The following STX8 variants were observed in gnomAD, a reference collection of about 807,000 sequenced individuals.
STX8 encodes syntaxin-8.
STX8 carries 23 observed loss-of-function variants against 37.5 expected under a neutral mutation model. The observed-to-expected ratio is 0.61, with a 90% CI of 0.44 to 0.87. The LOEUF (loss-of-function observed/expected upper bound fraction) is 0.87. Among genes scored for constraint, STX8 ranks in the 40% least tolerant of loss-of-function variants. The probability of loss-of-function intolerance (pLI) is 0.00; values close to 1 mark genes in which losing one functional copy is unlikely to be tolerated. For synonymous variants in STX8, 115 were observed against 99.1 expected (o/e 1.16, Z -0.95); for missense variants, 313 against 284.7 (o/e 1.10, Z -0.71).
intron 6 of STX8, among the ~76,000 whole-genome samples, chr17:9,451,329 C>T (rs1271056576): frequency 6.6e-6 from 1 of 152,146 alleles, no homozygotes; most frequent in Admixed American, 6.5e-5. Context: ...CACTTTGTTA[C>T]TAAGTGTGTG....
rs528981431 is a variant in STX8, at chr17:9,532,622, T to C, written c.323+12550A>G. Among the ~76,000 whole-genome samples the C allele has an allele frequency of 2.0e-5, 3 of 152,326 alleles. No homozygotes were observed. In the South Asian group the frequency reaches 6.2e-4, roughly 32 times the overall value. ...AGTTTAACAATGTAACAAATTACTT[T>C]AAAAATAAATTTATATTTAAAAAAC... is the stretch of plus-strand genomic sequence containing the variant. On this transcript the variant is annotated intron_variant, in intron 4 of 7. Coordinates refer to ENST00000306357, the MANE Select transcript of STX8 (RefSeq NM_004853.3).
In STX8 at chr17:9,400,684, C is replaced by T. The variant is rs188518284; in HGVS notation, c.542-22031G>A. On this transcript the variant is annotated intron_variant, in intron 6 of 7. Coordinates refer to ENST00000306357, the MANE Select transcript of STX8 (RefSeq NM_004853.3). ...CCTCCCAAAGTGCTGGGATTACAGG[C>T]GTGAGCCACCCGCGCCCGGCCGAGT... Among the ~76,000 whole-genome samples the T allele has an allele frequency of 4.6e-5, 7 of 152,066 alleles. No individual in the cohort carries two copies. The East Asian group carries it at 1.2e-3, about 25-fold the overall frequency.
At chr17:9,495,432 G>A (rs1055995617) in intron 5 of STX8, among the ~76,000 whole-genome samples, 3 of 151,960 alleles carry the variant, frequency 2.0e-5, no homozygotes, top group Non-Finnish European at 4.4e-5. Context: ...TGGATTAAAA[G>A]ATAAAACCAT....
chr17:9,549,761 A>G (rs73975725), intron 3 of STX8, among the ~76,000 whole-genome samples: 13,879 of 152,186 alleles, frequency 0.091, 1,164 homozygotes, highest in African/African-American at 0.23. Context: ...TTGATTAATG[A>G]ACCATCTGCA....
intron 6 of STX8, among the ~76,000 whole-genome samples, chr17:9,468,357 G>T (rs951619822): frequency 1.3e-5 from 2 of 152,024 alleles, no homozygotes; most frequent in Non-Finnish European, 2.9e-5. Context: ...TGATCCAGCC[G>T]CCTCGACCTC....
chr17:9,269,551 G>C (rs1298866010), intron 7 of STX8, among the ~76,000 whole-genome samples: 1 of 152,166 alleles, frequency 6.6e-6, no homozygotes, highest in Non-Finnish European at 1.5e-5. Context: ...ATATTAAAAT[G>C]ATGTCATCAC....
chr17:9,463,552 G>A (rs1270845087), intron 6 of STX8, among the ~76,000 whole-genome samples: 2 of 151,964 alleles, frequency 1.3e-5, no homozygotes, highest in Non-Finnish European at 2.9e-5. Flanking sequence ...ATCACTTGAG[G>A]TCAGGAGTTG....
intron 6 of STX8, among the ~76,000 whole-genome samples, chr17:9,387,611 T>A (rs993337599): frequency 1.3e-5 from 2 of 152,180 alleles, no homozygotes; most frequent in Non-Finnish European, 1.5e-5. Context: ...GGCATTTTTA[T>A]GATCTGTGCC....
chr17:9,287,902 C>A (rs1318824703), intron 7 of STX8, among the ~76,000 whole-genome samples: 6 of 151,808 alleles, frequency 4.0e-5, no homozygotes, highest in African/African-American at 1.5e-4. Context: ...AGGTGAGCAC[C>A]ACCACGCCCA....
At chr17:9,254,819 G>A (rs2142118766) in intron 7 of STX8, among the ~76,000 whole-genome samples, 1 of 152,298 alleles carries the variant, frequency 6.6e-6, no homozygotes, top group Non-Finnish European at 1.5e-5. Context: ...GCCTGGCACA[G>A]GAAAGAGGCA....
chr17:9,485,782 C>T (rs962634009), intron 6 of STX8, among the ~76,000 whole-genome samples: 1 of 152,060 alleles, frequency 6.6e-6, no homozygotes, highest in Non-Finnish European at 1.5e-5. Context: ...GACGGGGTTT[C>T]ACCATATTGA....
intron 7 of STX8, among the ~76,000 whole-genome samples, chr17:9,300,148 A>G (rs928145190): frequency 2.0e-4 from 31 of 152,162 alleles, no homozygotes; most frequent in Middle Eastern, 6.8e-3. Flanking sequence ...CCTGACCAAC[A>G]TGGTGAAACC....
At chr17:9,349,322 T>G (rs1281968784) in intron 7 of STX8, among the ~76,000 whole-genome samples, 1 of 144,836 alleles carries the variant, frequency 6.9e-6, no homozygotes, top group Non-Finnish European at 1.5e-5. Flanking sequence ...TTTTCTTTTT[T>G]TTTTTTTTTT....
At chr17:9,489,617 G>T (rs1029972987) in intron 6 of STX8, among the ~76,000 whole-genome samples, 1 of 151,768 alleles carries the variant, frequency 6.6e-6, no homozygotes, top group Non-Finnish European at 1.5e-5. Context: ...CTCACCCATC[G>T]AATAGGCTAA....
chr17:9,401,474 A>C (rs766457261), intron 6 of STX8, among the ~76,000 whole-genome samples: 4 of 152,206 alleles, frequency 2.6e-5, no homozygotes, highest in Non-Finnish European at 5.9e-5. Flanking sequence ...AGCTGTTAGA[A>C]TATTTTATAG....
intron 6 of STX8, among the ~76,000 whole-genome samples, chr17:9,409,174 A>T: frequency 6.6e-6 from 1 of 152,120 alleles, no homozygotes; most frequent in Non-Finnish European, 1.5e-5. Flanking sequence ...TTAACAAGAT[A>T]TCACCTATGC....
At chr17:9,453,487 C>CTTTT (rs1168841037) in intron 6 of STX8, among the ~76,000 whole-genome samples, 14 of 112,232 alleles carry the variant, frequency 1.2e-4, no homozygotes, top group South Asian at 2.9e-4. Context: ...CACTACTCAT[C>CTTTT]TTTTTTTTTT....
At chr17:9,398,084 C>T (rs543708950) in intron 6 of STX8, among the ~76,000 whole-genome samples, 2 of 151,948 alleles carry the variant, frequency 1.3e-5, no homozygotes, top group Non-Finnish European at 2.9e-5. Context: ...TGTAAATACT[C>T]CACTGTCAAG....
intron 7 of STX8, among the ~76,000 whole-genome samples, chr17:9,258,623 T>C (rs117862290): frequency 3.7e-4 from 56 of 152,386 alleles, no homozygotes; most frequent in Non-Finnish European, 6.6e-4. Flanking sequence ...CCCACAGTTC[T>C]ACATTTTAAT....
Sources: allele counts gnomAD v4.1 joint callset (sites outside exome capture counted in the v4.1 genomes callset), GRCh38; gene constraint gnomAD v4.1.1; transcripts MANE v1.5; gene names NCBI Gene and HGNC (gene_info 2026-07-23, HGNC 2026-07-21).